Variants in BLTP1 observed in about 807,000 individuals in gnomAD.
BLTP1 encodes the protein fragile site-associated protein.
chr4:122,201,087 A>T, the BLTP1 span: 13 of 1,613,592 alleles, frequency 8.1e-6, no homozygotes, highest in African/African-American at 1.6e-4. Context: ...TTATAAAGCC[A>T]CTTACCACTT....
chr4:122,347,827 T>TA, the BLTP1 span: 552 of 1,383,206 alleles, frequency 4.0e-4, no homozygotes, highest in Non-Finnish European at 3.6e-4. Context: ...GTTCTCAGGA[T>TA]AAAATCTTAG....
the BLTP1 span, chr4:122,153,158 C>CG: frequency 2.0e-5 from 3 of 146,536 alleles, no homozygotes; most frequent in African/African-American, 6.6e-5. Flanking sequence ...TAGTTGTTGT[C>CG]GTTTTTTTTT....
At chr4:122,251,971 C>T in the BLTP1 span, among the ~76,000 whole-genome samples, 20 of 152,262 alleles carry the variant, frequency 1.3e-4, no homozygotes, top group African/African-American at 4.3e-4. Flanking sequence ...TAGACATCAT[C>T]ATTTAGTATT....
chr4:122,222,429 T>C, the BLTP1 span, among the ~76,000 whole-genome samples: 2 of 152,184 alleles, frequency 1.3e-5, no homozygotes, highest in Non-Finnish European at 2.9e-5. Context: ...TTTTACTTTG[T>C]GGTCATCTTA....
chr4:122,245,074 A>G, the BLTP1 span: 5 of 1,612,584 alleles, frequency 3.1e-6, no homozygotes, highest in Non-Finnish European at 4.2e-6. Flanking sequence ...CTGCAATTGT[A>G]GATGATCTTC....
At chr4:122,209,698 T>C in the BLTP1 span, 1 of 1,264,020 alleles carries the variant, frequency 7.9e-7, no homozygotes, top group South Asian at 1.4e-5. Flanking sequence ...TTTGTGCTTA[T>C]ATGTGGAGAA....
the BLTP1 span, among the ~76,000 whole-genome samples, chr4:122,342,338 TTTTA>T: frequency 1.3e-5 from 2 of 151,354 alleles, no homozygotes; most frequent in African/African-American, 4.9e-5. Context: ...GCTATTTTCT[TTTTA>T]TTTATTTATT....
chr4:122,207,514 CTTTTTTTTTT>C, the BLTP1 span: 1 of 1,285,990 alleles, frequency 7.8e-7, no homozygotes, highest in African/African-American at 1.7e-5. Context: ...ACTTTTTCTT[CTTTTTTTTTT>C]TTTTTTTCTT....
chr4:122,327,096 G>GTTTT, the BLTP1 span, among the ~76,000 whole-genome samples: 1 of 123,966 alleles, frequency 8.1e-6, no homozygotes, highest in East Asian at 2.4e-4. Flanking sequence ...AGGTCATAGG[G>GTTTT]GGGTGTTTTG....
chr4:122,175,084 G>C, the BLTP1 span: 1 of 954,900 alleles, frequency 1.0e-6, no homozygotes, highest in Non-Finnish European at 1.2e-6. Context: ...ACACAAATAT[G>C]AATATAATAA....
the BLTP1 span, among the ~76,000 whole-genome samples, chr4:122,297,734 G>A: frequency 6.6e-6 from 1 of 152,118 alleles, no homozygotes; most frequent in South Asian, 2.1e-4. Context: ...GCCACAAAAA[G>A]GAATGAGATC....
the BLTP1 span, among the ~76,000 whole-genome samples, chr4:122,279,448 C>G: frequency 6.6e-6 from 1 of 152,116 alleles, no homozygotes; most frequent in Non-Finnish European, 1.5e-5. Flanking sequence ...ATAATTCGCC[C>G]AAACTTCACC....
chr4:122,291,471 T>G, the BLTP1 span, among the ~76,000 whole-genome samples: 1 of 152,250 alleles, frequency 6.6e-6, no homozygotes, highest in Non-Finnish European at 1.5e-5. Flanking sequence ...TCTTATATTC[T>G]TCATGATTTT....
At chr4:122,331,580 C>G in the BLTP1 span, 4 of 1,580,352 alleles carry the variant, frequency 2.5e-6, no homozygotes, top group Non-Finnish European at 3.4e-6. Context: ...GAAACTTTAT[C>G]TATTAGAAAT....
At chr4:122,309,382 T>C in the BLTP1 span, 9 of 1,613,450 alleles carry the variant, frequency 5.6e-6, no homozygotes, top group Admixed American at 1.2e-4. Flanking sequence ...TCAAAAACTT[T>C]TGTATCCGTT....
the BLTP1 span, among the ~76,000 whole-genome samples, chr4:122,311,593 C>G: frequency 6.6e-6 from 1 of 151,140 alleles, no homozygotes; most frequent in Admixed American, 6.6e-5. Context: ...AAAACATACT[C>G]TAAAAAAAAA....
the BLTP1 span, chr4:122,205,940 C>G: frequency 2.0e-6 from 2 of 984,604 alleles, no homozygotes; most frequent in Non-Finnish European, 2.4e-6. Context: ...GCATGTAAAA[C>G]ATTGTGGAGG....
the BLTP1 span, chr4:122,334,559 ATATACTTTATTTTTTGTCATT>A: frequency 6.2e-7 from 1 of 1,601,114 alleles, no homozygotes; most frequent in Non-Finnish European, 8.5e-7. Flanking sequence ...TTTAAGGAGT[ATATACTTTATTTTTTGTCATT>A]TTAAAAATTT....
the BLTP1 span, among the ~76,000 whole-genome samples, chr4:122,282,966 CTT>C: frequency 6.6e-6 from 1 of 151,774 alleles, no homozygotes. Flanking sequence ...TATATTAACT[CTT>C]TGATATCATG....
Sources: allele counts gnomAD v4.1 joint callset (sites outside exome capture counted in the v4.1 genomes callset), GRCh38; gene constraint gnomAD v4.1.1; transcripts MANE v1.5; gene names NCBI Gene and HGNC (gene_info 2026-07-23, HGNC 2026-07-21).